GLI1: variants seen among roughly 807,000 people sequenced by gnomAD.
The protein encoded by GLI1 is transcription activator GLI1.
A neutral mutation model predicts 87.8 loss-of-function variants in GLI1; 51 were observed. That is an observed-to-expected ratio of 0.58 (90% confidence interval 0.46 to 0.73). The LOEUF (loss-of-function observed/expected upper bound fraction) is 0.73. Ranked by LOEUF, GLI1 falls within the 30% of genes least tolerant of loss-of-function variation. The pLI is 0.00. For missense variants in GLI1, 1,292 were observed against 1,437.2 expected (o/e 0.90, Z 1.63); for synonymous variants, 528 against 558.2 (o/e 0.95, Z 0.76).
Position 57,470,565 on chromosome 12 carries a change from C to A in GLI1, c.1825C>A (p.Leu609Met). Reference protein sequence around the residue: ...GGTSPTAASSLDRIGGLPMPP... With the variant: ...GGTSPTAASSMDRIGGLPMPP... ...TACTTCGCCCACTGCAGCATCCAGC[C>A]TGGATCGGATAGGTGGTCTTCCCAT... Residue 609 changes from leucine (L) to methionine (M), a missense_variant, in exon 12 of 12, where the codon CTG becomes ATG. Around this residue, in one of 3 missense-constraint regions of GLI1, gnomAD observed 897 missense variants for 1,040.7 expected, o/e 0.86. Transcript: ENST00000228682. 6.2e-7 allele frequency: 1 copy of A among 1,614,148 alleles called. No individual in the cohort carries two copies. The highest frequency in any genetic ancestry group is 1.3e-5 in the African/African-American group (1 of 75,066).
At chr12:57,465,364 T>A in intron 5 of GLI1, 109 bp downstream of exon 5, 1 of 1,061,004 alleles carries the variant, frequency 9.4e-7, no homozygotes, top group Non-Finnish European at 1.4e-6. Flanking sequence ...TTTTCAGTAC[T>A]AGAAAAGTAA....
intron 6 of GLI1, 22 bp from the exon 7 acceptor site, chr12:57,465,766 G>A: frequency 6.2e-7 from 1 of 1,614,090 alleles, no homozygotes; most frequent in Non-Finnish European, 8.5e-7. Context: ...AAGTGACCCT[G>A]AGATTGCCTC....
In GLI1 at chr12:57,467,516, C is replaced by T. The variant is rs765307898; in HGVS notation, c.1077+19C>T. The T allele has an allele frequency of 8.9e-6, 14 of 1,572,152 alleles. No homozygotes were observed. The highest frequency in any genetic ancestry group is 6.8e-5 in the East Asian group (3 of 44,048). Reference sequence around the variant, plus strand: ...CAATGAGGTGAATGCCCTAACTAAGCGACCCTCCCCTCTTGAGAAGCCACC... The same window carrying T: ...CAATGAGGTGAATGCCCTAACTAAGTGACCCTCCCCTCTTGAGAAGCCACC... On this transcript the variant is annotated intron_variant, in intron 9 of 11. Transcript: ENST00000228682.
At chr12:57,465,070 C>A (rs1871384010) in intron 4 of GLI1, 41 bp from the exon 5 acceptor site, 4 of 1,603,878 alleles carry the variant, frequency 2.5e-6, no homozygotes, top group Non-Finnish European at 3.4e-6. Context: ...CTTCCTGAGA[C>A]TTCCTAATTG....
rs1191551029 is a variant in GLI1 at position 57,471,034 on chromosome 12, C to T, written c.2294C>T (p.Pro765Leu). Residue 765 changes from proline (P) to leucine (L), a missense_variant, in exon 12 of 12, where the codon CCC (proline) becomes CTC (leucine). Around this residue, in one of 3 missense-constraint regions of GLI1, gnomAD observed 897 missense variants for 1,040.7 expected, o/e 0.86. Transcript: ENST00000228682. The surrounding 1 kb of genome is among the most constrained non-coding windows in gnomAD (Gnocchi z 4.9). The stretch of plus-strand genomic sequence containing the variant: ...CCACCCACCAACTATGGCCCCAACC[C>T]CTGTCCCCAGCAGGCCTCATATCCT... Reference protein sequence around the residue: ...PGPPTNYGPNPCPQQASYPDP... With the variant: ...PGPPTNYGPNLCPQQASYPDP... 3 of 1,610,666 alleles carry T rather than the reference C, an allele frequency of 1.9e-6. No homozygotes were observed. Among genetic ancestry groups the T allele is most frequent in the Non-Finnish European group, 2.5e-6 (3 of 1,178,216 alleles).
rs1487397766 is a variant in GLI1, at chr12:57,470,329, C to T, written c.1589C>T (p.Ser530Phe). ...CCATCACTTGCAGGTACCACTGTGT[C>T]CCGCCGCGTGGGCCCCCCAGTCTCT... Reference protein sequence around the residue: ...PSLSHTGTTVSRRVGPPVSLE... With the variant: ...PSLSHTGTTVFRRVGPPVSLE... The change falls in exon 12 of 12, where the codon TCC becomes TTC. Residue 530 changes from serine to phenylalanine, a missense_variant. Ser to Phe is a radical substitution (Grantham distance 155). Coordinates refer to ENST00000228682, the MANE Select transcript of GLI1 (RefSeq NM_005269.3). 1 of 1,567,162 alleles carries T rather than the reference C, an allele frequency of 6.4e-7. No homozygotes were observed. Among genetic ancestry groups the T allele is most frequent in the African/African-American group, 1.4e-5 (1 of 73,694 alleles).
At chr12:57,463,539 T>G in intron 1 of GLI1, 126 bp from the exon 2 acceptor site, 1 of 662,156 alleles carries the variant, frequency 1.5e-6, no homozygotes, top group Middle Eastern at 2.6e-4. Flanking sequence ...TCAACTCGAA[T>G]TCCGTGGCAG....
intron 2 of GLI1, 84 bp downstream of exon 2, chr12:57,463,875 A>T (rs992573560): frequency 9.5e-7 from 1 of 1,053,532 alleles, no homozygotes; most frequent in Middle Eastern, 2.0e-4. Flanking sequence ...CCAGTTTCCT[A>T]TCTACAGGAG....
intron 1 of GLI1, among the ~76,000 whole-genome samples, chr12:57,462,429 C>T (rs1477724303): frequency 6.6e-6 from 1 of 152,012 alleles, no homozygotes; most frequent in East Asian, 1.9e-4. Flanking sequence ...GCCGGCCCGG[C>T]CCGCTCCCGG....
At chr12:57,467,030 C>T (rs139619908) in intron 8 of GLI1, among the ~76,000 whole-genome samples, 121 of 152,286 alleles carry the variant, frequency 7.9e-4, no homozygotes, top group African/African-American at 2.7e-3. Flanking sequence ...GACAACAGCC[C>T]GTTCCCCCAA....
Position 57,467,334 on chromosome 12 carries a change from T to G in GLI1, c.914T>G (p.Phe305Cys). Reference protein sequence around the residue: ...HTGEKPHKCTFEGCRKSYSRL... With the variant: ...HTGEKPHKCTCEGCRKSYSRL... ...CTTTGACCCCTGCATGTCCCCCAGT[T>G]TGAAGGGTGCCGGAAGTCATACTCA... Residue 305 changes from phenylalanine (F) to cysteine (C), a missense_variant and splice_region_variant, in exon 9 of 12, where the codon TTT (phenylalanine) becomes TGT (cysteine). Physicochemically the swap from Phe to Cys is radical, Grantham distance 205 (BLOSUM62 -2). This residue lies in a region of GLI1 where 897 missense variants were observed against 1,040.7 expected (regional missense o/e 0.86). Coordinates refer to ENST00000228682, the MANE Select transcript of GLI1 (RefSeq NM_005269.3). 1.2e-6 allele frequency: 2 copies of G among 1,603,696 alleles called. No individual in the cohort carries two copies. The highest frequency in any genetic ancestry group is 1.7e-4 in the Middle Eastern group (1 of 6,020).
Position 57,466,375 on chromosome 12 carries a change from C to A in GLI1, c.898C>A (p.Pro300Thr), listed in dbSNP as rs1476843535. ...CATGCGCAGACACACTGGCGAGAAG[C>A]CACACAAGTGCACGGTGAGGCACCA... is the stretch of plus-strand genomic sequence containing the variant. Reference protein sequence around the residue: ...VHMRRHTGEKPHKCTFEGCRK... With the variant: ...VHMRRHTGEKTHKCTFEGCRK... The change falls in exon 8 of 12, where the codon CCA becomes ACA. Residue 300 changes from proline (P) to threonine (T), a missense_variant. Physicochemically the swap from Pro to Thr is conservative, Grantham distance 38. Transcript: ENST00000228682. 4 of 1,612,846 alleles carry A rather than the reference C, an allele frequency of 2.5e-6. No homozygotes were observed. The highest frequency in any genetic ancestry group is 3.4e-6 in the Non-Finnish European group (4 of 1,179,300).
chr12:57,465,773 C>T lies in GLI1; in HGVS notation c.625-15C>T, dbSNP rs779645624. ...TGTCACCCAAGTGACCCTGAGATTG[C>T]CTCTCTTGCCCTAGGATCCCCTGTT... is the stretch of plus-strand genomic sequence containing the variant. On this transcript the variant is annotated splice_polypyrimidine_tract_variant and intron_variant, in intron 6 of 11. Coordinates refer to ENST00000228682, the MANE Select transcript of GLI1 (RefSeq NM_005269.3). The T allele has an allele frequency of 6.2e-7, 1 of 1,613,974 alleles. No homozygotes were observed. The highest frequency in any genetic ancestry group is 1.1e-5 in the South Asian group (1 of 91,074).
In GLI1 at chr12:57,470,313, G is replaced by A; in HGVS notation, c.1577-4G>A. 6.5e-7 allele frequency: 1 copy of A among 1,537,658 alleles called. No homozygotes were observed. Among genetic ancestry groups the A allele is most frequent in the Non-Finnish European group, 8.8e-7 (1 of 1,141,760 alleles). ...ATCCTACCTTTTCTCCCCATCACTTGCAGGTACCACTGTGTCCCGCCGCGT... is the reference window on the plus strand; with the variant it reads ...ATCCTACCTTTTCTCCCCATCACTTACAGGTACCACTGTGTCCCGCCGCGT... On this transcript the variant is annotated splice_region_variant and splice_polypyrimidine_tract_variant and intron_variant, in intron 11 of 11. Transcript: ENST00000228682.
At chr12:57,468,984 C>A (rs894599847) in intron 10 of GLI1, among the ~76,000 whole-genome samples, 1 of 152,142 alleles carries the variant, frequency 6.6e-6, no homozygotes, top group Non-Finnish European at 1.5e-5. Context: ...GATCTCCTGA[C>A]CTCGTGATCT....
At chr12:57,465,406 A>G in intron 5 of GLI1, 151 bp downstream of exon 5, 1 of 769,598 alleles carries the variant, frequency 1.3e-6, no homozygotes, top group East Asian at 2.7e-5. Context: ...CACTCCTTGC[A>G]GTTGAGTCAG....
rs1871019326 is a variant in GLI1, at chr12:57,460,010, T to A, written c.-219T>A. ...CAAAAGGGAAAAAAAAAGTTTGCGCTTCTCGCGGGTGGTCCGGGCTTGCGG... is the reference window on the plus strand; with the variant it reads ...CAAAAGGGAAAAAAAAAGTTTGCGCATCTCGCGGGTGGTCCGGGCTTGCGG... On this transcript the variant is annotated 5_prime_UTR_variant, in exon 1 of 12. Coordinates refer to ENST00000228682, the MANE Select transcript of GLI1 (RefSeq NM_005269.3). The A allele has an allele frequency of 1.4e-5, 2 of 147,032 alleles. No individual in the cohort carries two copies. Among genetic ancestry groups the A allele is most frequent in the African/African-American group, 5.0e-5 (2 of 40,186 alleles). The allele number at this position is 147,032 out of a possible 1,614,324, so 9.1% of individuals were successfully genotyped here. A position where few individuals can be genotyped will look rare whatever the true frequency, so the allele number is the denominator to read the frequency against.
Position 57,468,038 on chromosome 12 carries a change from A to G in GLI1, c.1122A>G (p.Thr374=), listed in dbSNP as rs763145901. The stretch of plus-strand genomic sequence containing the variant: ...TCCCTGGCTGCACCAAACGCTATAC[A>G]GATCCTAGCTCGCTGCGAAAACATG... ...CKLPGCTKRY[T]DPSSLRKHVK... is the part of the protein sequence containing the mutation. Residue 374 remains threonine (T), a synonymous_variant, in exon 10 of 12, where the codon ACA becomes ACG. Transcript: ENST00000228682. 1.9e-6 allele frequency: 3 copies of G among 1,614,216 alleles called. No homozygotes were observed. The highest frequency in any genetic ancestry group is 2.5e-6 in the Non-Finnish European group (3 of 1,180,020).
At chr12:57,463,897 C>A in intron 2 of GLI1, 102 bp from the exon 3 acceptor site, 1 of 1,102,996 alleles carries the variant, frequency 9.1e-7, no homozygotes, top group Non-Finnish European at 1.4e-6. Context: ...ATTTGAGGCC[C>A]CATGTCATAT....
Sources: gnomAD v4.1 joint callset for allele counts (sites outside exome capture counted in the v4.1 genomes callset) on GRCh38, gnomAD v4.1.1 for gene constraint, gnomAD v4.1.1 regional missense constraint, Gnocchi (gnomAD v3.1) non-coding constraint, MANE v1.5 for transcripts, NCBI Gene and HGNC (gene_info 2026-07-23, HGNC 2026-07-21) for gene names.